B3GLCT: variants seen among roughly 807,000 people sequenced by gnomAD.
B3GLCT encodes the protein beta 3-glucosyltransferase.
In B3GLCT, 65 loss-of-function variants were observed where a neutral mutation model predicts 63.4. The ratio of observed to expected loss-of-function variants is 1.03; its 90% confidence interval spans 0.84 to 1.26. The LOEUF (loss-of-function observed/expected upper bound fraction) is 1.26. B3GLCT is among the 50% of genes most tolerant of loss of function. B3GLCT has a pLI of 0.00. For synonymous variants in B3GLCT, 233 were observed against 219.2 expected (o/e 1.06, Z -0.55); for missense variants, 577 against 604.8 (o/e 0.95, Z 0.48).
chr13:31,321,330 T>C (rs181397090), intron 13 of B3GLCT, among the ~76,000 whole-genome samples: 1 of 152,368 alleles, frequency 6.6e-6, no homozygotes, highest in Non-Finnish European at 1.5e-5. Flanking sequence ...TACAGCAGAA[T>C]TTTCTGATGC....
rs1173451108 is a variant in B3GLCT, at chr13:31,272,405, A to G, written c.661-2104A>G. Among the ~76,000 whole-genome samples, 6 of 151,580 alleles carry G rather than the reference A, an allele frequency of 4.0e-5. No individual in the cohort carries two copies. The East Asian group carries it at 1.2e-3, about 29-fold the overall frequency. ...AATTTTTTTTGTATTTTTAGTAGAG[A>G]TGGGGTTTCACCATCTTGGCCAGGC... On this transcript the variant is annotated intron_variant, in intron 8 of 14. Coordinates refer to ENST00000343307, the MANE Select transcript of B3GLCT (RefSeq NM_194318.4).
intron 12 of B3GLCT, among the ~76,000 whole-genome samples, chr13:31,316,407 T>TATATATATATATATATATATATATATA (rs1555255282): frequency 3.4e-4 from 14 of 40,870 alleles, no homozygotes; most frequent in Admixed American, 1.1e-3. Flanking sequence ...TTTGGAGGTT[T>TATATATATATATATATATATATATATA]TATATATATA....
At chr13:31,267,607 C>T (rs1872389820) in intron 7 of B3GLCT, among the ~76,000 whole-genome samples, 1 of 152,038 alleles carries the variant, frequency 6.6e-6, no homozygotes, top group Non-Finnish European at 1.5e-5. Flanking sequence ...GGGAATGTGA[C>T]AGATATTATA....
chr13:31,290,386 G>A (rs943626305), intron 12 of B3GLCT, among the ~76,000 whole-genome samples: 1 of 152,134 alleles, frequency 6.6e-6, no homozygotes, highest in Admixed American at 6.6e-5. Flanking sequence ...CCCAATAATG[G>A]GATTGCTAGG....
chr13:31,240,475 T>A, intron 4 of B3GLCT, among the ~76,000 whole-genome samples: 1 of 81,004 alleles, frequency 1.2e-5, no homozygotes, highest in Non-Finnish European at 3.2e-5. Flanking sequence ...TAGTTTTTTT[T>A]TTCTTTTTTT....
At chr13:31,323,209 T>C (rs1473407934) in intron 13 of B3GLCT, among the ~76,000 whole-genome samples, 4 of 152,180 alleles carry the variant, frequency 2.6e-5, no homozygotes, top group Admixed American at 6.5e-5. Context: ...CTCTTTGTCC[T>C]TTTTTCCTTC....
At chr13:31,249,854 T>G (rs779573427) in intron 6 of B3GLCT, among the ~76,000 whole-genome samples, 2 of 152,222 alleles carry the variant, frequency 1.3e-5, no homozygotes, top group African/African-American at 2.4e-5. Context: ...GAAAAAAGTA[T>G]AAAGCAAACC....
intron 4 of B3GLCT, among the ~76,000 whole-genome samples, chr13:31,232,124 C>T (rs905948530): frequency 2.0e-5 from 3 of 152,204 alleles, no homozygotes; most frequent in Non-Finnish European, 4.4e-5. Flanking sequence ...AACTGAAGTT[C>T]CTGTCTCTAG....
chr13:31,213,551 C>G (rs1045863930), intron 1 of B3GLCT, among the ~76,000 whole-genome samples: 7 of 150,358 alleles, frequency 4.7e-5, no homozygotes, highest in Non-Finnish European at 1.5e-5. Context: ...TGTGCCATTG[C>G]AGTCTAGCCT....
At position 31,329,834 on chromosome 13, in the gene B3GLCT, G is replaced by A. The variant is rs1286217829; in HGVS notation, c.*166G>A. On this transcript the variant is annotated 3_prime_UTR_variant, in exon 15 of 15. Transcript: ENST00000343307. ...GGTATTTTTTGACAGAGGAAGAAAAGGGGTCACAGGAGAAACATTTTTTTT... is the reference window on the plus strand; with the variant it reads ...GGTATTTTTTGACAGAGGAAGAAAAAGGGTCACAGGAGAAACATTTTTTTT... 1 of 738,350 alleles carries A rather than the reference G, an allele frequency of 1.4e-6. No individual in the cohort carries two copies. Among genetic ancestry groups the A allele is most frequent in the Non-Finnish European group, 2.2e-6 (1 of 449,326 alleles). The allele number at this position is 738,350 out of a possible 1,614,324, so 45.7% of individuals were successfully genotyped here. A position where few individuals can be genotyped will look rare whatever the true frequency, so the allele number is the denominator to read the frequency against.
Position 31,256,368 on chromosome 13 carries a change from G to T in B3GLCT, c.460-4578G>T, listed in dbSNP as rs934296124. ...GTTCAACCATTGTGGAAGACAGTGT[G>T]GCGATTCCTCAAGGATCTAGAAATA... On this transcript the variant is annotated intron_variant, in intron 6 of 14. Transcript: ENST00000343307. Among the ~76,000 whole-genome samples, 3 of 152,156 alleles carry T rather than the reference G, an allele frequency of 2.0e-5. No homozygotes were observed. The East Asian group carries it at 5.8e-4, about 29-fold the overall frequency.
At chr13:31,213,625 C>CCG (rs1555244567) in intron 1 of B3GLCT, among the ~76,000 whole-genome samples, 1 of 110,362 alleles carries the variant, frequency 9.1e-6, no homozygotes, top group Non-Finnish European at 2.0e-5. Context: ...CACCCCACCC[C>CCG]CCCCCCCCGC....
At chr13:31,259,882 C>T (rs931323885) in intron 6 of B3GLCT, among the ~76,000 whole-genome samples, 8 of 151,908 alleles carry the variant, frequency 5.3e-5, no homozygotes, top group African/African-American at 4.8e-5. Flanking sequence ...ATGTGTACAA[C>T]GTGCAGGTTT....
chr13:31,207,996 A>G (rs1325321938), intron 1 of B3GLCT, among the ~76,000 whole-genome samples: 1 of 152,154 alleles, frequency 6.6e-6, no homozygotes, highest in Non-Finnish European at 1.5e-5. Flanking sequence ...TCTTCCCTCT[A>G]CAGGGAGGGA....
In B3GLCT at chr13:31,331,883, T is replaced by G. The variant is rs1875945870; in HGVS notation, c.*2215T>G. 1 of 152,204 alleles carries G rather than the reference T, an allele frequency of 6.6e-6. No homozygotes were observed. The highest frequency in any genetic ancestry group is 1.5e-5 in the Non-Finnish European group (1 of 68,038). The allele number at this position is 152,204 out of a possible 1,614,324, so 9.4% of individuals were successfully genotyped here. ...TCCTTCCAAATGGCTATTTTTAGGCTAGGGATGTTAACATCAGGGATTTGT... is the reference window on the plus strand; with the variant it reads ...TCCTTCCAAATGGCTATTTTTAGGCGAGGGATGTTAACATCAGGGATTTGT... On this transcript the variant is annotated 3_prime_UTR_variant, in exon 15 of 15. Coordinates refer to ENST00000343307, the MANE Select transcript of B3GLCT (RefSeq NM_194318.4).
At chr13:31,216,910 A>G (rs2137749469) in intron 2 of B3GLCT, among the ~76,000 whole-genome samples, 1 of 152,298 alleles carries the variant, frequency 6.6e-6, no homozygotes. Context: ...TGTGATGAAT[A>G]TATGTGTGCA....
rs1242225414 is a variant in B3GLCT, at chr13:31,200,064, C to T, written c.-21C>T. The T allele has an allele frequency of 2.2e-6, 3 of 1,349,242 alleles. No individual in the cohort carries two copies. The highest frequency in any genetic ancestry group is 1.5e-5 in the South Asian group (1 of 66,994). The allele number at this position is 1,349,242 out of a possible 1,614,324, so 83.6% of individuals were successfully genotyped here. A position where few individuals can be genotyped will look rare whatever the true frequency, so the allele number is the denominator to read the frequency against. ...CTCCCTTCCCCGCGCCCAGGTAGGG[C>T]GCTCAGCCTCCGCCGCCAGGATGCG... On this transcript the variant is annotated 5_prime_UTR_variant, in exon 1 of 15. Transcript: ENST00000343307.
At chr13:31,291,476 ATTTG>A in intron 12 of B3GLCT, among the ~76,000 whole-genome samples, 1 of 151,978 alleles carries the variant, frequency 6.6e-6, no homozygotes, top group Admixed American at 6.5e-5. Context: ...ATGTTTTTTC[ATTTG>A]TTTGTGTCCT....
At chr13:31,208,518 G>A (rs1869086733) in intron 1 of B3GLCT, among the ~76,000 whole-genome samples, 2 of 151,670 alleles carry the variant, frequency 1.3e-5, no homozygotes, top group Admixed American at 1.3e-4. Context: ...CCTCACACGT[G>A]CTACCCTCCT....
Sources: gnomAD v4.1 joint callset for allele counts (sites outside exome capture counted in the v4.1 genomes callset) on GRCh38, gnomAD v4.1.1 for gene constraint, MANE v1.5 for transcripts, NCBI Gene and HGNC (gene_info 2026-07-23, HGNC 2026-07-21) for gene names.